Variants in NALCN observed in about 807,000 individuals in gnomAD.
NALCN encodes the protein sodium leak channel, non-selective.
In NALCN, 111 loss-of-function variants were observed where a neutral mutation model predicts 225.3. That is an observed-to-expected ratio of 0.49 (90% CI 0.42 to 0.58). The LOEUF is 0.58. NALCN is among the 20% of genes least tolerant of loss of function. The pLI, the probability that NALCN is intolerant of heterozygous loss-of-function variation, is 0.00. For missense variants in NALCN, 1,378 were observed against 2,202.4 expected, an observed-to-expected ratio of 0.63 and a Z score of 7.49; for synonymous variants, 764 against 769.0, an observed-to-expected ratio of 0.99 and a Z score of 0.11.
chr13:101,116,570 G>C (rs761014464), intron 18 of NALCN: 3 of 514,950 alleles, frequency 5.8e-6, no homozygotes, highest in South Asian at 4.2e-5. Flanking sequence ...CCAGAACAAG[G>C]GTGTGGAAAA....
At chr13:101,342,020 G>A (rs911349119) in intron 7 of NALCN, among the ~76,000 whole-genome samples, 1 of 152,184 alleles carries the variant, frequency 6.6e-6, no homozygotes, top group Non-Finnish European at 1.5e-5. Flanking sequence ...TCTTGCTCTT[G>A]GACTTCCCAG....
Position 101,153,230 on chromosome 13 carries a change from G to A in NALCN, c.1840-8334C>T, listed in dbSNP as rs112874678. ...TTAGTCTTTCATATAAATGCCAGAC[G>A]TGTAAGTGAGATAGCAATATGCCTG... On this transcript the variant is annotated intron_variant, in intron 15 of 43. Coordinates refer to ENST00000251127, the MANE Select transcript of NALCN (RefSeq NM_052867.4). Among the ~76,000 whole-genome samples the A allele has an allele frequency of 9.0e-3, 1,372 of 152,230 alleles. 15 individuals carry two copies. The highest frequency in any genetic ancestry group is 0.031 in the African/African-American group (1,284 of 41,514).
intron 28 of NALCN, among the ~76,000 whole-genome samples, chr13:101,090,407 A>G (rs113739989): frequency 4.4e-4 from 67 of 152,322 alleles, no homozygotes; most frequent in African/African-American, 1.6e-3. Context: ...AAATCTTTCG[A>G]AAGGCATAAA....
rs1017347131 is a variant in NALCN at position 101,411,473 on chromosome 13, G to A, written c.-40+4840C>T. Among the ~76,000 whole-genome samples the A allele has an allele frequency of 9.3e-5, 14 of 150,742 alleles. No individual in the cohort carries two copies. In the East Asian group the frequency reaches 1.4e-3, roughly 15 times the overall value. On this transcript the variant is annotated intron_variant, in intron 1 of 43. Coordinates refer to ENST00000251127, the MANE Select transcript of NALCN (RefSeq NM_052867.4). ...TTCGCCTGCCTCAGCCTCCCCTCCC[G>A]AGTAGCTGAGATTACAGGTGCCCAC...
chr13:101,055,346 C>T lies in NALCN; in HGVS notation c.5166G>A (p.Arg1722=). Residue 1722 remains arginine, a synonymous_variant, in exon 44 of 44, where the codon CGG becomes CGA. Transcript: ENST00000251127. ...CGSEVKKWWT[R]QLTVESDESG... ...TTTCGTCGCTCTCCACAGTCAGCTGCCGGGTCCACCACTTCTTAACTTCAG... is the reference window on the plus strand; with the variant it reads ...TTTCGTCGCTCTCCACAGTCAGCTGTCGGGTCCACCACTTCTTAACTTCAG... 6.2e-7 allele frequency: 1 copy of T among 1,614,064 alleles called. No individual in the cohort carries two copies. The highest frequency in any genetic ancestry group is 8.5e-7 in the Non-Finnish European group (1 of 1,179,964).
chr13:101,156,261 G>A (rs2037897789), intron 15 of NALCN, among the ~76,000 whole-genome samples: 1 of 151,944 alleles, frequency 6.6e-6, no homozygotes, highest in African/African-American at 2.4e-5. Flanking sequence ...TCCTCATCTT[G>A]TGTTCTCTTT....
chr13:101,292,376 C>T lies in NALCN; in HGVS notation c.800-10G>A. 6.2e-7 allele frequency: 1 copy of T among 1,606,150 alleles called. No homozygotes were observed. The highest frequency in any genetic ancestry group is 1.3e-5 in the African/African-American group (1 of 74,738). On this transcript the variant is annotated splice_polypyrimidine_tract_variant and intron_variant, in intron 7 of 43. Transcript: ENST00000251127. This position sits in a 1 kb window ranked among gnomAD's most constrained non-coding sequence, Gnocchi z 4.3. ...GTGAATATACTAGTTCCTGTCATGACAGAGGAGGACAGACTGAGTCACAGC... is the reference window on the plus strand; with the variant it reads ...GTGAATATACTAGTTCCTGTCATGATAGAGGAGGACAGACTGAGTCACAGC...
At chr13:101,082,212 A>G (rs2033693026) in intron 33 of NALCN, among the ~76,000 whole-genome samples, 1 of 152,222 alleles carries the variant, frequency 6.6e-6, no homozygotes, top group Non-Finnish European at 1.5e-5. Context: ...GTAAACATGT[A>G]GTAACTAAAA....
intron 34 of NALCN, 98 bp from the exon 35 acceptor site, chr13:101,076,039 G>C: frequency 1.1e-6 from 1 of 876,424 alleles, no homozygotes; most frequent in Non-Finnish European, 1.7e-6. Context: ...TGAATAATTA[G>C]CTTAATATGT....
At chr13:101,273,566 A>T (rs1040235208) in intron 10 of NALCN, among the ~76,000 whole-genome samples, 43 of 152,184 alleles carry the variant, frequency 2.8e-4, no homozygotes, top group Admixed American at 2.6e-3. Context: ...TTAAATTTTT[A>T]TTTAGAAAGA....
At chr13:101,159,041 ATGT>A (rs1198571032) in intron 15 of NALCN, among the ~76,000 whole-genome samples, 2 of 152,254 alleles carry the variant, frequency 1.3e-5, no homozygotes, top group Non-Finnish European at 2.9e-5. Flanking sequence ...AGTTAAAAAT[ATGT>A]TGAAGGCATA....
intron 3 of NALCN, among the ~76,000 whole-genome samples, chr13:101,383,756 C>T (rs1572592): frequency 0.54 from 81,797 of 151,968 alleles, 23,764 homozygotes; most frequent in African/African-American, 0.76. Context: ...AGATCACAGA[C>T]GAGATTATGA....
At position 101,065,274 on chromosome 13, in the gene NALCN, C is replaced by T. The variant is rs545055562; in HGVS notation, c.4604+130G>A. 1.0e-3 allele frequency: 979 copies of T among 957,792 alleles called. 2 individuals carry two copies. Among genetic ancestry groups the T allele is most frequent in the Middle Eastern group, 2.2e-3 (7 of 3,186 alleles). 59.3% of individuals were successfully genotyped at this position (957,792 alleles called of 1,614,324 possible). On this transcript the variant is annotated intron_variant, in intron 40 of 43. Transcript: ENST00000251127. ...ACTTAGCGCCTGGGACATGTGACCC[C>T]ACTTCACGACCACAGCAGATGTGGC...
intron 6 of NALCN, among the ~76,000 whole-genome samples, chr13:101,345,692 A>G (rs2045697525): frequency 7.3e-6 from 1 of 137,152 alleles, no homozygotes; most frequent in African/African-American, 2.7e-5. Context: ...CTATCTATCT[A>G]TCTATCTATC....
At chr13:101,332,397 C>CAA (rs753158247) in intron 7 of NALCN, among the ~76,000 whole-genome samples, 18,205 of 57,048 alleles carry the variant, frequency 0.32, 2,099 homozygotes, top group Non-Finnish European at 0.36. Flanking sequence ...TTCACAAAGC[C>CAA]AAAAAAAAAA....
chr13:101,123,752 A>T (rs1244121337), intron 18 of NALCN, among the ~76,000 whole-genome samples: 1 of 152,194 alleles, frequency 6.6e-6, no homozygotes, highest in Non-Finnish European at 1.5e-5. Context: ...AGTTTTAAAG[A>T]TCATATATAC....
At chr13:101,137,392 T>C (rs778308468) in intron 17 of NALCN, among the ~76,000 whole-genome samples, 4 of 151,970 alleles carry the variant, frequency 2.6e-5, no homozygotes, top group Non-Finnish European at 5.9e-5. Flanking sequence ...TCTCTCTCTC[T>C]CTTTTAAGGT....
intron 7 of NALCN, among the ~76,000 whole-genome samples, chr13:101,337,194 G>C (rs2045403476): frequency 6.6e-6 from 1 of 152,052 alleles, no homozygotes; most frequent in Non-Finnish European, 1.5e-5. Flanking sequence ...AGAATACAAG[G>C]GACTAGACTT....
chr13:101,367,005 T>A (rs925427191), intron 6 of NALCN, among the ~76,000 whole-genome samples: 2 of 152,154 alleles, frequency 1.3e-5, no homozygotes, highest in Non-Finnish European at 2.9e-5. Flanking sequence ...CTGGTTAGGA[T>A]TCCACATATG....
Sources: allele counts gnomAD v4.1 joint callset (sites outside exome capture counted in the v4.1 genomes callset), GRCh38; gene constraint gnomAD v4.1.1; non-coding constraint Gnocchi (gnomAD v3.1); transcripts MANE v1.5; gene names NCBI Gene and HGNC (gene_info 2026-07-23, HGNC 2026-07-21).